The following PEAR1 variants were observed in gnomAD, a reference collection of about 807,000 sequenced individuals.
PEAR1 encodes multiple EGF-like domains protein 12.
PEAR1 carries 113 observed loss-of-function variants against 131.2 expected under a neutral mutation model. The ratio of observed to expected loss-of-function variants is 0.86; its 90% CI spans 0.74 to 1.01. The LOEUF (loss-of-function observed/expected upper bound fraction) is 1.01, where lower values mean the gene tolerates loss of function less well. PEAR1 is among the 50% of genes least tolerant of loss of function. PEAR1 has a pLI of 0.00. For synonymous variants in PEAR1, 565 were observed against 523.3 expected (o/e 1.08, Z -1.09); for missense variants, 1,408 against 1,391.1 (o/e 1.01, Z -0.19).
At chr1:156,911,980 TG>T (rs2101537482) in intron 15 of PEAR1, among the ~76,000 whole-genome samples, 1 of 152,352 alleles carries the variant, frequency 6.6e-6, no homozygotes, top group African/African-American at 2.4e-5. Context: ...TTTGGTTGTG[TG>T]GCACTGAATA....
In PEAR1 at chr1:156,904,764, A is replaced by G; in HGVS notation, c.118A>G (p.Lys40Glu). 1 of 1,612,510 alleles carries G rather than the reference A, an allele frequency of 6.2e-7. No homozygotes were observed. Among genetic ancestry groups the G allele is most frequent in the Non-Finnish European group, 8.5e-7 (1 of 1,179,460 alleles). Residue 40 changes from lysine to glutamate, a missense_variant, in exon 3 of 23, where the codon AAG (lysine) becomes GAG (glutamate). By Grantham distance (56) the Lys-to-Glu change is moderately conservative. Transcript: ENST00000292357. ...GTCTTGCAGCTTCACTACCACCACC[A>G]AGGAGTCCCACTCCCGCCCCTTCAG... ...SFWESFTTTT[K>E]ESHSRPFSLL...
intron 1 of PEAR1, among the ~76,000 whole-genome samples, chr1:156,897,442 G>C (rs1649269990): frequency 6.6e-6 from 1 of 152,236 alleles, no homozygotes; most frequent in Non-Finnish European, 1.5e-5. Flanking sequence ...CAGACTTGGA[G>C]TACGTCGGGG....
chr1:156,913,245 T>A lies in PEAR1; in HGVS notation c.2474T>A (p.Leu825Gln). 1 of 1,613,370 alleles carries A rather than the reference T, an allele frequency of 6.2e-7. No individual in the cohort carries two copies. Among genetic ancestry groups the A allele is most frequent in the Non-Finnish European group, 8.5e-7 (1 of 1,179,676 alleles). ...HYYSNPSYHT[L>Q]SQCSPNPPPP... The stretch of plus-strand genomic sequence containing the variant: ...TACTCCAACCCCAGCTACCACACCC[T>A]GTCGCAGTGCTCCCCAAACCCCCCA... The change falls in exon 19 of 23, where the codon CTG (leucine) becomes CAG (glutamine). Residue 825 changes from leucine to glutamine, a missense_variant. Coordinates refer to ENST00000292357, the MANE Select transcript of PEAR1 (RefSeq NM_001080471.3).
At chr1:156,912,692 C>T in intron 17 of PEAR1, 70 bp downstream of exon 17, 4 of 1,610,146 alleles carry the variant, frequency 2.5e-6, no homozygotes, top group Non-Finnish European at 3.4e-6. Context: ...CTCATACAGT[C>T]CCTACTTCCC....
At chr1:156,899,477 C>G (rs1021424978) in intron 1 of PEAR1, among the ~76,000 whole-genome samples, 1 of 152,174 alleles carries the variant, frequency 6.6e-6, no homozygotes, top group Admixed American at 6.5e-5. Context: ...GCCCCCACTT[C>G]CTTTCTCTCT....
intron 1 of PEAR1, among the ~76,000 whole-genome samples, chr1:156,899,595 C>T (rs1429586583): frequency 2.0e-5 from 3 of 152,102 alleles, no homozygotes; most frequent in Non-Finnish European, 2.9e-5. Context: ...AAGGGGAGGG[C>T]GGATGGGGGC....
chr1:156,909,527 G>T (rs1650791847), intron 11 of PEAR1, among the ~76,000 whole-genome samples: 1 of 152,062 alleles, frequency 6.6e-6, no homozygotes, highest in African/African-American at 2.4e-5. Context: ...CCTTTATTTT[G>T]CAGAAGGCAC....
rs768119909 is a variant in PEAR1, at chr1:156,914,098, ATGGTGAGCCCTCCCTCTCCAC to A, written c.2962+2_2962+22del. The stretch of plus-strand genomic sequence containing the variant: ...TACGAGCAGCCCAGCCCCCTGATCC[ATGGTGAGCCCTCCCTCTCCAC>A]TGGCAGGAGCAGCAGAGAACTGGGA... On this transcript the variant is annotated splice_donor_variant and splice_donor_5th_base_variant and coding_sequence_variant and intron_variant, in exon 22 of 23. Coordinates refer to ENST00000292357, the MANE Select transcript of PEAR1 (RefSeq NM_001080471.3). LOFTEE classifies it high-confidence loss of function. The A allele has an allele frequency of 2.8e-5, 44 of 1,589,564 alleles. No homozygotes were observed. In the East Asian group the frequency reaches 1.0e-3, roughly 36 times the overall value.
chr1:156,895,000 C>A (rs572616874), intron 1 of PEAR1, among the ~76,000 whole-genome samples: 1 of 152,198 alleles, frequency 6.6e-6, no homozygotes, highest in African/African-American at 2.4e-5. Context: ...AGGGTGTGGG[C>A]GCAGCCCTCC....
chr1:156,903,886 C>T (rs1262319157), intron 1 of PEAR1, 32 bp from the exon 2 acceptor site: 1 of 1,568,454 alleles, frequency 6.4e-7, no homozygotes, highest in Admixed American at 1.7e-5. Flanking sequence ...GGCTGCAGCG[C>T]CACTGCCCAC....
Position 156,906,815 on chromosome 1 carries a change from C to G in PEAR1, c.579C>G (p.Cys193Trp). Reference sequence around the variant, plus strand: ...CTGCCTGCCAGTTCCGCTGCCAGTGCCATGGGGCACCCTGCGATCCCCAGA... The same window carrying G: ...CTGCCTGCCAGTTCCGCTGCCAGTGGCATGGGGCACCCTGCGATCCCCAGA... Reference protein sequence around the residue: ...YGPACQFRCQCHGAPCDPQTG... With the variant: ...YGPACQFRCQWHGAPCDPQTG... Residue 193 changes from cysteine (C) to tryptophan (W), a missense_variant, in exon 6 of 23, where the codon TGC becomes TGG. Cys to Trp is a radical substitution (Grantham distance 215). Coordinates refer to ENST00000292357, the MANE Select transcript of PEAR1 (RefSeq NM_001080471.3). 6.2e-7 allele frequency: 1 copy of G among 1,614,220 alleles called. No individual in the cohort carries two copies. The highest frequency in any genetic ancestry group is 1.1e-5 in the South Asian group (1 of 91,084).
chr1:156,894,823 G>T (rs1209802765), intron 1 of PEAR1, among the ~76,000 whole-genome samples: 1 of 152,220 alleles, frequency 6.6e-6, no homozygotes, highest in Non-Finnish European at 1.5e-5. Context: ...GCTCAGCCAG[G>T]GCTCAGCTCG....
chr1:156,908,243 T>C lies in PEAR1; in HGVS notation c.1018T>C (p.Phe340Leu), dbSNP rs148992167. The C allele has an allele frequency of 7.5e-6, 12 of 1,599,848 alleles. No individual in the cohort carries two copies. Among genetic ancestry groups the C allele is most frequent in the Non-Finnish European group, 9.3e-6 (11 of 1,177,536 alleles). The change falls in exon 9 of 23, where the codon TTC (phenylalanine) becomes CTC (leucine). Residue 340 changes from phenylalanine (F) to leucine (L), a missense_variant. Phe to Leu is a conservative substitution (Grantham distance 22). Transcript: ENST00000292357. This position sits in a 1 kb window ranked among gnomAD's most constrained non-coding sequence, Gnocchi z 4.2. Reference protein sequence around the residue: ...ANGACLCEHGFTGDRCTDRLC... With the variant: ...ANGACLCEHGLTGDRCTDRLC... ...CGGCGCATGTCTGTGCGAACACGGC[T>C]TCACTGGGGACCGCTGCACGGATCG... is the stretch of plus-strand genomic sequence containing the variant.
In PEAR1 at chr1:156,913,534, G is replaced by A. The variant is rs772310560; in HGVS notation, c.2644+11G>A. ...GGCCTCTGGACAGGGGTAGGTGCCG[G>A]GAGGCCAGGGTCTCTGGCGCGGGTG... On this transcript the variant is annotated intron_variant, in intron 20 of 22. Coordinates refer to ENST00000292357, the MANE Select transcript of PEAR1 (RefSeq NM_001080471.3). 1.9e-6 allele frequency: 3 copies of A among 1,611,504 alleles called. No homozygotes were observed. The African/African-American group carries it at 4.0e-5, about 21-fold the overall frequency.
At chr1:156,907,474 C>T (rs1337762219) in intron 6 of PEAR1, 136 bp from the exon 7 acceptor site, 12 of 1,424,518 alleles carry the variant, frequency 8.4e-6, no homozygotes, top group Middle Eastern at 3.7e-4. Flanking sequence ...CTTTCTGACT[C>T]GACAGTCCCC....
chr1:156,902,663 G>A lies in PEAR1; in HGVS notation c.-9-1255G>A, dbSNP rs1165618529. 6.6e-6 allele frequency among the ~76,000 whole-genome samples: 1 copy of A among 152,136 alleles called. No individual in the cohort carries two copies. Among genetic ancestry groups the A allele is most frequent in the Non-Finnish European group, 1.5e-5 (1 of 68,008 alleles). ...AGATACTCAGGGGGGTAAGGGGCCA[G>A]CAACCGCGACCTTTCTCTCGTCTCA... On this transcript the variant is annotated intron_variant, in intron 1 of 22. Coordinates refer to ENST00000292357, the MANE Select transcript of PEAR1 (RefSeq NM_001080471.3). The surrounding 1 kb of genome is among the most constrained non-coding windows in gnomAD (Gnocchi z 4.3).
chr1:156,895,423 T>C (rs1311126510), intron 1 of PEAR1, among the ~76,000 whole-genome samples: 1 of 152,114 alleles, frequency 6.6e-6, no homozygotes, highest in Non-Finnish European at 1.5e-5. Flanking sequence ...TTGGGAGCCT[T>C]GAGAAAGAGG....
chr1:156,906,520 T>C, intron 5 of PEAR1, 117 bp from the exon 6 acceptor site: 1 of 1,544,134 alleles, frequency 6.5e-7, no homozygotes, highest in Non-Finnish European at 8.8e-7. Flanking sequence ...TTTCTGGAGA[T>C]GTGGAAGACA....
At chr1:156,900,767 C>A (rs533847699) in intron 1 of PEAR1, among the ~76,000 whole-genome samples, 2 of 152,230 alleles carry the variant, frequency 1.3e-5, no homozygotes, top group African/African-American at 4.8e-5. Context: ...AAGAAGCAAG[C>A]CTGCAGCAGG....
Sources: gnomAD v4.1 joint callset for allele counts (sites outside exome capture counted in the v4.1 genomes callset) on GRCh38, gnomAD v4.1.1 for gene constraint, Gnocchi (gnomAD v3.1) non-coding constraint, MANE v1.5 for transcripts, NCBI Gene and HGNC (gene_info 2026-07-23, HGNC 2026-07-21) for gene names.